SUN2: variants seen among roughly 807,000 people sequenced by gnomAD.
The protein encoded by SUN2 is SUN domain-containing protein 2.
A neutral mutation model predicts 100.0 loss-of-function variants in SUN2; 60 were observed. The observed-to-expected ratio is 0.60, with a 90% confidence interval of 0.49 to 0.74. The LOEUF is 0.74. Ranked by LOEUF, SUN2 falls within the 30% of genes least tolerant of loss-of-function variation. The pLI is 0.00. For missense variants in SUN2, 834 were observed against 954.6 expected (o/e 0.87, Z 1.66); for synonymous variants, 367 against 403.3 (o/e 0.91, Z 1.08).
Position 38,738,519 on chromosome 22 carries a change from T to C in SUN2, c.1947+68A>G. ...CAGTCCAAGGGTGACCCTGACTTGA[T>C]CCTCAGTAGAGAGGCCCACAGGATC... On this transcript the variant is annotated intron_variant, in intron 16 of 17. Transcript: ENST00000689035. The surrounding 1 kb of genome is among the most constrained non-coding windows in gnomAD (Gnocchi z 6.6). 6.4e-7 allele frequency: 1 copy of C among 1,564,684 alleles called. No individual in the cohort carries two copies. Among genetic ancestry groups the C allele is most frequent in the Non-Finnish European group, 8.7e-7 (1 of 1,149,302 alleles).
chr22:38,752,702 T>C (rs2092956032), intron 1 of SUN2, 37 bp from the exon 2 acceptor site: 1 of 1,571,242 alleles, frequency 6.4e-7, no homozygotes, highest in East Asian at 2.3e-5. Flanking sequence ...ATGTGAGGCC[T>C]GGGGCTGTCC....
rs755340664 is a variant in SUN2, at chr22:38,739,838, G to T, written c.1462C>A (p.Leu488Met). 6.2e-6 allele frequency: 10 copies of T among 1,613,588 alleles called. No individual in the cohort carries two copies. The Admixed American group carries it at 1.7e-4, about 27-fold the overall frequency. ...ACATGGGTGAGGATCTTGCTCTCCA[G>T]CTCTCGCAGCTGAGCTTGCATCTCC... is the stretch of plus-strand genomic sequence containing the variant. Reference protein sequence around the residue: ...REEMQAQLRELESKILTHVAE... With the variant: ...REEMQAQLREMESKILTHVAE... Residue 488 changes from leucine (L) to methionine (M), a missense_variant, in exon 13 of 18, where the codon CTG becomes ATG. Around this residue, in one of 3 missense-constraint regions of SUN2, gnomAD observed 195 missense variants for 280.2 expected, o/e 0.70. Transcript: ENST00000689035. The surrounding 1 kb of genome is among the most constrained non-coding windows in gnomAD (Gnocchi z 6.7).
At position 38,755,860 on chromosome 22, in the gene SUN2, C is replaced by A; in HGVS notation, c.-135G>T. On this transcript the variant is annotated 5_prime_UTR_variant, in exon 1 of 18. Transcript: ENST00000689035. This position sits in a 1 kb window ranked among gnomAD's most constrained non-coding sequence, Gnocchi z 5.7. ...CCGCGTGGGGATCCCGCGGGCGGCG[C>A]TCCGCTCAGGGCGACACAGCGGCCG... 1.0e-6 allele frequency: 1 copy of A among 982,526 alleles called. No individual in the cohort carries two copies. 60.9% of individuals were successfully genotyped at this position (982,526 alleles called of 1,614,324 possible). A position where few individuals can be genotyped will look rare whatever the true frequency, so the allele number is the denominator to read the frequency against.
chr22:38,752,822 G>T (rs2092957464), intron 1 of SUN2, among the ~76,000 whole-genome samples, 157 bp from the exon 2 acceptor site: 1 of 152,282 alleles, frequency 6.6e-6, no homozygotes, highest in South Asian at 2.1e-4. Context: ...CCTGATGGGG[G>T]GCAAGGCAGG....
At chr22:38,750,093 A>G (rs1026192563) in intron 5 of SUN2, 132 bp downstream of exon 5, 1 of 1,392,246 alleles carries the variant, frequency 7.2e-7, no homozygotes, top group Non-Finnish European at 9.6e-7. Context: ...GCTCCCAGTG[A>G]TTATTCTAGA....
rs149626068 is a variant in SUN2 at position 38,750,293 on chromosome 22, G to T, written c.452C>A (p.Ser151Tyr). 1.2e-6 allele frequency: 2 copies of T among 1,613,852 alleles called. No homozygotes were observed. Among genetic ancestry groups the T allele is most frequent in the African/African-American group, 2.7e-5 (2 of 74,940 alleles). Reference protein sequence around the residue: ...VGYSDVDQQSSSSRLRSAVSR... With the variant: ...VGYSDVDQQSYSSRLRSAVSR... Reference sequence around the variant, plus strand: ...GACGGCGCTTCGGAGCCGCGAGCTGGAACTCTGCTGGTCCACATCCGAGTA... The same window carrying T: ...GACGGCGCTTCGGAGCCGCGAGCTGTAACTCTGCTGGTCCACATCCGAGTA... Residue 151 changes from serine (S) to tyrosine (Y), a missense_variant, in exon 5 of 18, where the codon TCC (serine) becomes TAC (tyrosine). Around this residue, in one of 3 missense-constraint regions of SUN2, gnomAD observed 559 missense variants for 597.7 expected, o/e 0.94. Transcript: ENST00000689035.
rs139258915 is a variant in SUN2 at position 38,752,792 on chromosome 22, C to T, written c.-37-127G>A. The T allele has an allele frequency of 2.9e-3, 3,137 of 1,092,934 alleles. 12 individuals are homozygous for T. Among genetic ancestry groups the T allele is most frequent in the Non-Finnish European group, 3.8e-3 (2,976 of 783,862 alleles). 67.7% of individuals were successfully genotyped at this position (1,092,934 alleles called of 1,614,324 possible). A position where few individuals can be genotyped will look rare whatever the true frequency, so the allele number is the denominator to read the frequency against. On this transcript the variant is annotated intron_variant, in intron 1 of 17. Coordinates refer to ENST00000689035, the MANE Select transcript of SUN2 (RefSeq NM_015374.3). ...GACCACCCCCCCGGCCCCCGGCCCC[C>T]GGCGTTCAGTCTAAACAGCCCTGAT... is the stretch of plus-strand genomic sequence containing the variant.
rs1206095400 is a variant in SUN2, at chr22:38,736,399, G to A, written c.2041-19C>T. Reference sequence around the variant, plus strand: ...TAGGGGCCTGGGTAGAGAAGAAAGGGATTAAGAGCATCAGAGACCTGTGAG... The same window carrying A: ...TAGGGGCCTGGGTAGAGAAGAAAGGAATTAAGAGCATCAGAGACCTGTGAG... On this transcript the variant is annotated intron_variant, in intron 17 of 17. Transcript: ENST00000689035. 6.3e-7 allele frequency: 1 copy of A among 1,598,882 alleles called. No homozygotes were observed. Among genetic ancestry groups the A allele is most frequent in the African/African-American group, 1.3e-5 (1 of 74,636 alleles).
intron 10 of SUN2, 44 bp downstream of exon 10, chr22:38,741,450 G>A (rs1427453202): frequency 1.3e-6 from 2 of 1,582,128 alleles, no homozygotes; most frequent in African/African-American, 2.7e-5. Context: ...GTTGGATGGG[G>A]TCAGGACCCA....
At chr22:38,752,296 G>A (rs2092951626) in intron 2 of SUN2, among the ~76,000 whole-genome samples, 1 of 152,238 alleles carries the variant, frequency 6.6e-6, no homozygotes, top group Non-Finnish European at 1.5e-5. Context: ...AGCAGCCCCG[G>A]CTCACAGTCG....
At position 38,755,309 on chromosome 22, in the gene SUN2, T is replaced by C; in HGVS notation, c.-38+454A>G. 1 of 1,114,632 alleles carries C rather than the reference T, an allele frequency of 9.0e-7. No individual in the cohort carries two copies. The highest frequency in any genetic ancestry group is 1.1e-6 in the Non-Finnish European group (1 of 904,762). 69.0% of individuals were successfully genotyped at this position (1,114,632 alleles called of 1,614,324 possible). ...TCACCAAAGGCGCGCCTCCTGGCTCTCTAAGTCACACCGCGCCCCCCATTG... is the reference window on the plus strand; with the variant it reads ...TCACCAAAGGCGCGCCTCCTGGCTCCCTAAGTCACACCGCGCCCCCCATTG... On this transcript the variant is annotated intron_variant, in intron 1 of 17. Transcript: ENST00000689035. The surrounding 1 kb of genome is among the most constrained non-coding windows in gnomAD (Gnocchi z 5.7).
intron 9 of SUN2, 68 bp downstream of exon 9, chr22:38,742,222 GTTCTCTCTGCT>G: frequency 6.7e-7 from 1 of 1,493,342 alleles, no homozygotes; most frequent in Non-Finnish European, 9.0e-7. Context: ...AATGACACTT[GTTCTCTCTGCT>G]GCTGGGCACC....
Position 38,740,385 on chromosome 22 carries a change from C to G in SUN2, c.1238G>C (p.Arg413Pro). Reference sequence around the variant, plus strand: ...CAGGCCGGCCAGCTGGTCCTCCAGCCGCCTCAGCTCCTTCACAGAGCTCTC... The same window carrying G: ...CAGGCCGGCCAGCTGGTCCTCCAGCGGCCTCAGCTCCTTCACAGAGCTCTC... ...FQESSVKELR[R>P]LEDQLAGLQQ... The change falls in exon 12 of 18, where the codon CGG (arginine) becomes CCG (proline). Residue 413 changes from arginine to proline, a missense_variant. Coordinates refer to ENST00000689035, the MANE Select transcript of SUN2 (RefSeq NM_015374.3). The surrounding 1 kb of genome is among the most constrained non-coding windows in gnomAD (Gnocchi z 4.8). 6.4e-7 allele frequency: 1 copy of G among 1,573,258 alleles called. No individual in the cohort carries two copies. Among genetic ancestry groups the G allele is most frequent in the South Asian group, 1.2e-5 (1 of 86,118 alleles).
At chr22:38,745,836 C>A in intron 7 of SUN2, 25 bp from the exon 8 acceptor site, 2 of 1,610,056 alleles carry the variant, frequency 1.2e-6, no homozygotes, top group East Asian at 2.2e-5. Flanking sequence ...GAGGGTGTTA[C>A]CCCAGCTGGG....
Position 38,739,207 on chromosome 22 carries a change from A to C in SUN2, c.1663+135T>G, listed in dbSNP as rs1419728897. 4 of 1,066,196 alleles carry C rather than the reference A, an allele frequency of 3.8e-6. No homozygotes were observed. The highest frequency in any genetic ancestry group is 5.7e-6 in the Non-Finnish European group (4 of 704,052). The allele number at this position is 1,066,196 out of a possible 1,614,324, so 66.0% of individuals were successfully genotyped here. ...CCCTGAATTGCCACTTGCCTTTGTC[A>C]TGGGTACTAGGTTGGGTGATTTCTG... is the stretch of plus-strand genomic sequence containing the variant. On this transcript the variant is annotated intron_variant, in intron 14 of 17. Transcript: ENST00000689035. The surrounding 1 kb of genome is among the most constrained non-coding windows in gnomAD (Gnocchi z 6.7).
At chr22:38,745,198 C>T in intron 8 of SUN2, 1 of 471,034 alleles carries the variant, frequency 2.1e-6, no homozygotes. Context: ...GCAAAGTGCA[C>T]ATGGAGTACA....
At chr22:38,752,403 G>A (rs1358255030) in intron 2 of SUN2, 104 bp downstream of exon 2, 1 of 1,436,112 alleles carries the variant, frequency 7.0e-7, no homozygotes, top group Non-Finnish European at 9.4e-7. Context: ...TCCACCCAAG[G>A]TTGCAACAAG....
chr22:38,745,260 C>T, intron 8 of SUN2: 3 of 461,738 alleles, frequency 6.5e-6, no homozygotes, highest in South Asian at 4.7e-5. Context: ...ACCCCCCCAG[C>T]CAACTGCAGA....
intron 7 of SUN2, among the ~76,000 whole-genome samples, chr22:38,748,508 G>T (rs2092920732): frequency 6.6e-6 from 1 of 152,180 alleles, no homozygotes; most frequent in South Asian, 2.1e-4. Flanking sequence ...GCGGCACTAG[G>T]GTGTGCTCCT....
Sources: allele counts gnomAD v4.1 joint callset (sites outside exome capture counted in the v4.1 genomes callset), GRCh38; gene constraint gnomAD v4.1.1; regional missense constraint gnomAD v4.1.1; non-coding constraint Gnocchi (gnomAD v3.1); transcripts MANE v1.5; gene names NCBI Gene and HGNC (gene_info 2026-07-23, HGNC 2026-07-21).